Variants in UGT2A1 observed in about 807,000 individuals in gnomAD.
UGT2A1 encodes the protein UDP-glucuronosyltransferase 2A1.
Under a neutral mutation model 45.4 loss-of-function variants are expected in UGT2A1, and 61 were observed. The observed-to-expected ratio is 1.34, with a 90% confidence interval of 1.09 to 1.66. The LOEUF is 1.66. Ranked by LOEUF, UGT2A1 falls within the 40% of genes most tolerant of loss-of-function variation. The pLI, the probability that UGT2A1 is intolerant of heterozygous loss-of-function variation, is 0.00. For missense variants in UGT2A1, 649 were observed against 574.3 expected (o/e 1.13, Z -1.33); for synonymous variants, 229 against 196.2 (o/e 1.17, Z -1.40).
At chr4:69,632,194 T>C (rs73824183) in intron 3 of UGT2A1, among the ~76,000 whole-genome samples, 16,489 of 152,202 alleles carry the variant, frequency 0.11, 914 homozygotes, top group South Asian at 0.21. Context: ...TCAAGGTGTT[T>C]TGATATAAAT....
chr4:69,636,212 C>T (rs1458415006), intron 2 of UGT2A1, among the ~76,000 whole-genome samples: 1 of 152,114 alleles, frequency 6.6e-6, no homozygotes, highest in African/African-American at 2.4e-5. Context: ...TGAAGAACAA[C>T]TATTGTAATG....
rs1718811369 is a variant in UGT2A1, at chr4:69,594,667, G to A, written c.1114C>T (p.His372Tyr). ...TCGTAGATCCCATTAGTTCCACCAT[G>A]AGTGATAAAAGCTTTGGTTTTGGGA... ...GHPKTKAFIT[H>Y]GGTNGIYEAI... Residue 372 changes from histidine (H) to tyrosine (Y), a missense_variant, in exon 6 of 7, where the codon CAT (histidine) becomes TAT (tyrosine). Physicochemically the swap from His to Tyr is moderately conservative, Grantham distance 83. Transcript: ENST00000286604. 2 of 1,614,026 alleles carry A rather than the reference G, an allele frequency of 1.2e-6. No homozygotes were observed. Among genetic ancestry groups the A allele is most frequent in the Middle Eastern group, 1.6e-4 (1 of 6,062 alleles).
At chr4:69,601,150 C>T (rs1235642013) in intron 3 of UGT2A1, among the ~76,000 whole-genome samples, 1 of 152,152 alleles carries the variant, frequency 6.6e-6, no homozygotes, top group Non-Finnish European at 1.5e-5. Flanking sequence ...TGCTGCTACA[C>T]ATACTCCCCA....
intron 3 of UGT2A1, among the ~76,000 whole-genome samples, chr4:69,607,326 C>T: frequency 6.6e-6 from 1 of 151,340 alleles, no homozygotes; most frequent in African/African-American, 2.4e-5. Context: ...GGAAATGATT[C>T]CCTATTTAAT....
chr4:69,598,203 C>A (rs1396277992), intron 4 of UGT2A1, among the ~76,000 whole-genome samples: 2 of 151,982 alleles, frequency 1.3e-5, no homozygotes, highest in East Asian at 3.9e-4. Context: ...TTTTTAGAAT[C>A]CTGAAATAAA....
Position 69,595,162 on chromosome 4 carries a change from CAAG to C in UGT2A1, c.1081_1083del (p.Leu361del). On this transcript the variant is annotated inframe_deletion and splice_region_variant, in exon 5 of 7. Coordinates refer to ENST00000286604, the MANE Select transcript of UGT2A1 (RefSeq NM_001252275.3). ...AGCTTTTCTTTCCCCACAGTCTTAC[CAAG>C]AAGATCATTCTGGGGTATCCAATCA... is the stretch of plus-strand genomic sequence containing the variant. 1.2e-6 allele frequency: 2 copies of C among 1,613,800 alleles called. No individual in the cohort carries two copies. The highest frequency in any genetic ancestry group is 1.7e-4 in the Middle Eastern group (1 of 6,058).
chr4:69,593,375 G>A (rs912696798), intron 6 of UGT2A1, among the ~76,000 whole-genome samples: 1 of 151,946 alleles, frequency 6.6e-6, no homozygotes, highest in African/African-American at 2.4e-5. Flanking sequence ...AATTTGGAAT[G>A]AAATAGAGAT....
intron 2 of UGT2A1, among the ~76,000 whole-genome samples, chr4:69,645,642 C>T (rs1427774429): frequency 6.6e-6 from 1 of 151,742 alleles, no homozygotes; most frequent in African/African-American, 2.4e-5. Flanking sequence ...AACTCTACTG[C>T]CACATCTGTC....
chr4:69,596,127 A>G, intron 4 of UGT2A1: 1 of 1,291,278 alleles, frequency 7.7e-7, no homozygotes, highest in Non-Finnish European at 9.9e-7. Flanking sequence ...CGTTACTTAC[A>G]ACTGTTACTA....
intron 4 of UGT2A1, 92 bp from the exon 5 acceptor site, chr4:69,595,341 C>A: frequency 6.9e-7 from 1 of 1,445,918 alleles, no homozygotes; most frequent in Non-Finnish European, 9.5e-7. Flanking sequence ...TAGCCAGCTA[C>A]TTGGAAGACG....
chr4:69,589,646 T>A lies in UGT2A1; in HGVS notation c.1310A>T (p.Lys437Ile), dbSNP rs1277622392. 1 of 1,603,160 alleles carries A rather than the reference T, an allele frequency of 6.2e-7. No homozygotes were observed. Among genetic ancestry groups the A allele is most frequent in the Non-Finnish European group, 8.5e-7 (1 of 1,174,280 alleles). The stretch of plus-strand genomic sequence containing the variant: ...TCTTGATAACCTCATAGCATTCTCT[T>A]TATAACTAGAAGACAAATAAATAGG... The part of the protein sequence containing the change: ...LRTVINEPSY[K>I]ENAMRLSRIH... Residue 437 changes from lysine (K) to isoleucine (I), a missense_variant, in exon 7 of 7, where the codon AAA becomes ATA. Physicochemically the swap from Lys to Ile is moderately radical, Grantham distance 102. Coordinates refer to ENST00000286604, the MANE Select transcript of UGT2A1 (RefSeq NM_001252275.3).
chr4:69,638,929 C>T, intron 2 of UGT2A1: 1 of 1,604,644 alleles, frequency 6.2e-7, no homozygotes, highest in Non-Finnish European at 8.5e-7. Context: ...GAATTCCATT[C>T]TCCCCAGTAG....
At chr4:69,609,989 TGAG>T (rs1719937222) in intron 3 of UGT2A1, among the ~76,000 whole-genome samples, 1 of 152,178 alleles carries the variant, frequency 6.6e-6, no homozygotes, top group African/African-American at 2.4e-5. Context: ...AATAGAATGT[TGAG>T]GAAATAACAT....
At position 69,646,948 on chromosome 4, in the gene UGT2A1, A is replaced by G. The variant is rs1380560397; in HGVS notation, c.697T>C (p.Tyr233His). 1 of 1,593,682 alleles carries G rather than the reference A, an allele frequency of 6.3e-7. No homozygotes were observed. The highest frequency in any genetic ancestry group is 1.3e-5 in the African/African-American group (1 of 74,302). ...TACATACCTAAAGCTTTACTATAGTATGAATCCCATGATTTCCAAAGAGTT... is the reference window on the plus strand; with the variant it reads ...TACATACCTAAAGCTTTACTATAGTGTGAATCCCATGATTTCCAAAGAGTT... Reference protein sequence around the residue: ...FETLWKSWDSYYSKALGGLLL... With the variant: ...FETLWKSWDSHYSKALGGLLL... The change falls in exon 2 of 7, where the codon TAC becomes CAC. Residue 233 changes from tyrosine to histidine, a missense_variant. By Grantham distance (83) the Tyr-to-His change is moderately conservative (BLOSUM62 2). Coordinates refer to ENST00000286604, the MANE Select transcript of UGT2A1 (RefSeq NM_001252275.3).
intron 3 of UGT2A1, among the ~76,000 whole-genome samples, chr4:69,600,040 A>C (rs919424816): frequency 1.3e-5 from 2 of 152,192 alleles, no homozygotes; most frequent in African/African-American, 4.8e-5. Flanking sequence ...GCAACACAGA[A>C]ACTTAACAGA....
In UGT2A1 at chr4:69,647,260, C is replaced by A. The variant is rs151326445; in HGVS notation, c.385G>T (p.Val129Phe). The change falls in exon 2 of 7, where the codon GTT becomes TTT. Residue 129 changes from valine to phenylalanine, a missense_variant. Val to Phe is a conservative substitution (Grantham distance 50, BLOSUM62 -1). Transcript: ENST00000286604. ...HMVSQEICDG[V>F]LKNQQLMAKL... is the part of the protein sequence containing the mutation. ...GCCATCAGCTGTTGGTTTTTAAGAA[C>A]GCCATCACAGATCTCCTGAGACACC... 2 of 1,613,334 alleles carry A rather than the reference C, an allele frequency of 1.2e-6. No homozygotes were observed. The highest frequency in any genetic ancestry group is 8.5e-7 in the Non-Finnish European group (1 of 1,179,514).
At chr4:69,616,833 C>CTTTTTTTTTTT (rs4148315) in intron 3 of UGT2A1, among the ~76,000 whole-genome samples, 17 of 127,256 alleles carry the variant, frequency 1.3e-4, no homozygotes, top group East Asian at 4.7e-4. Context: ...ATTTTCTTTT[C>CTTTTTTTTTTT]TTTTTTTTTT....
chr4:69,639,854 A>C (rs1057401452), intron 2 of UGT2A1, among the ~76,000 whole-genome samples: 1 of 152,046 alleles, frequency 6.6e-6, no homozygotes, highest in Non-Finnish European at 1.5e-5. Flanking sequence ...AAGAAAAGGA[A>C]GCACGGGGTT....
chr4:69,636,759 ATATAAG>A (rs1389496451), intron 2 of UGT2A1, among the ~76,000 whole-genome samples: 3 of 152,278 alleles, frequency 2.0e-5, no homozygotes, highest in African/African-American at 4.8e-5. Context: ...ATAACATTTA[ATATAAG>A]TATAATTCTT....
Sources: gnomAD v4.1 joint callset for allele counts (sites outside exome capture counted in the v4.1 genomes callset) on GRCh38, gnomAD v4.1.1 for gene constraint, MANE v1.5 for transcripts, NCBI Gene and HGNC (gene_info 2026-07-23, HGNC 2026-07-21) for gene names.